Variants in DYNC1I2 observed in about 807,000 individuals in gnomAD.
DYNC1I2 encodes dynein cytoplasmic 1 intermediate chain 2.
DYNC1I2 carries 53 observed loss-of-function variants against 88.6 expected under a neutral mutation model. The observed-to-expected ratio is 0.60, with a 90% CI of 0.48 to 0.75. The LOEUF is 0.75. DYNC1I2 is among the 30% of genes least tolerant of loss of function. The pLI, the probability that DYNC1I2 is intolerant of heterozygous loss-of-function variation, is 0.00. For missense variants in DYNC1I2, 458 were observed against 766.6 expected (o/e 0.60, Z 4.75); for synonymous variants, 198 against 254.6 (o/e 0.78, Z 2.12).
intron 5 of DYNC1I2, among the ~76,000 whole-genome samples, chr2:171,711,165 AG>A (rs1687100412): frequency 1.3e-5 from 2 of 151,852 alleles, no homozygotes; most frequent in Non-Finnish European, 2.9e-5. Context: ...GATGGTTTCC[AG>A]CTACTTTTTG....
Position 171,712,818 on chromosome 2 carries a change from C to G in DYNC1I2, c.387C>G (p.Ser129=). Residue 129 remains serine (S), a synonymous_variant, in exon 6 of 18, where the codon TCC becomes TCG. Transcript: ENST00000397119. ...CAGTTCTTCAGCTTCACTCAGATTC[C>G]GATTTGGGGTATTGAATAGATTTTT... The part of the protein sequence containing the change: ...DPSVLQLHSD[S]DLGRGPIKLG... 1.2e-6 allele frequency: 2 copies of G among 1,612,944 alleles called. No homozygotes were observed. The highest frequency in any genetic ancestry group is 1.7e-6 in the Non-Finnish European group (2 of 1,179,210).
At chr2:171,701,327 G>A (rs886855898) in intron 3 of DYNC1I2, among the ~76,000 whole-genome samples, 1 of 152,074 alleles carries the variant, frequency 6.6e-6, no homozygotes, top group Non-Finnish European at 1.5e-5. Flanking sequence ...CTGCCAACAA[G>A]CCCAGCTAAT....
intron 3 of DYNC1I2, among the ~76,000 whole-genome samples, chr2:171,705,266 T>A (rs1686591633): frequency 6.6e-6 from 1 of 152,132 alleles, no homozygotes; most frequent in African/African-American, 2.4e-5. Context: ...TTTAAAAATG[T>A]AGTCTTTAAC....
At chr2:171,700,554 A>G (rs1271018428) in intron 3 of DYNC1I2, among the ~76,000 whole-genome samples, 1 of 152,224 alleles carries the variant, frequency 6.6e-6, no homozygotes, top group Non-Finnish European at 1.5e-5. Context: ...TCACTAAACC[A>G]AACTACTGTA....
intron 17 of DYNC1I2, 32 bp from the exon 18 acceptor site, chr2:171,747,744 T>A: frequency 1.4e-6 from 2 of 1,415,746 alleles, no homozygotes; most frequent in Non-Finnish European, 2.0e-6. Flanking sequence ...TTTTATTTCA[T>A]TGTATATAAA....
chr2:171,714,907 C>T (rs575387767), intron 6 of DYNC1I2, among the ~76,000 whole-genome samples: 4 of 152,170 alleles, frequency 2.6e-5, no homozygotes, highest in African/African-American at 9.6e-5. Flanking sequence ...CTGAATTCTC[C>T]TAGTGGCACA....
intron 14 of DYNC1I2, 119 bp downstream of exon 14, chr2:171,728,969 T>C: frequency 8.7e-7 from 1 of 1,147,432 alleles, no homozygotes; most frequent in Non-Finnish European, 1.2e-6. Flanking sequence ...GACAGATTTT[T>C]TGTGTTCAGG....
intron 8 of DYNC1I2, 63 bp downstream of exon 8, chr2:171,725,776 G>A (rs200517872): frequency 1.3e-5 from 12 of 895,790 alleles, no homozygotes; most frequent in Non-Finnish European, 1.8e-5. Context: ...CTTTTATTAT[G>A]TATTAAAGTA....
intron 11 of DYNC1I2, among the ~76,000 whole-genome samples, chr2:171,727,395 T>C (rs533343664): frequency 6.6e-6 from 1 of 152,290 alleles, no homozygotes; most frequent in Admixed American, 6.5e-5. Flanking sequence ...GGTTAGAATT[T>C]GCAAGCCTTT....
chr2:171,725,809 TAA>T (rs1487685825), intron 8 of DYNC1I2, 96 bp downstream of exon 8: 5 of 1,284,630 alleles, frequency 3.9e-6, no homozygotes, highest in African/African-American at 1.5e-5. Context: ...GTAAATCAAA[TAA>T]GTGAATCTGA....
At chr2:171,713,978 TTTTTC>T (rs1687310091) in intron 6 of DYNC1I2, among the ~76,000 whole-genome samples, 1 of 152,174 alleles carries the variant, frequency 6.6e-6, no homozygotes, top group African/African-American at 2.4e-5. Context: ...GTATTATGGT[TTTTTC>T]TGTTAGACTC....
chr2:171,729,694 C>G lies in DYNC1I2; in HGVS notation c.1392-15C>G, dbSNP rs770213612. On this transcript the variant is annotated splice_polypyrimidine_tract_variant and intron_variant, in intron 14 of 17. Transcript: ENST00000397119. The stretch of plus-strand genomic sequence containing the variant: ...ATAGGAGACTTCTCTAACATTTTCA[C>G]TTTTATGAAATTAGCAAAGCTGGAA... The G allele has an allele frequency of 6.2e-7, 1 of 1,611,720 alleles. No homozygotes were observed. Among genetic ancestry groups the G allele is most frequent in the East Asian group, 2.2e-5 (1 of 44,864 alleles).
chr2:171,740,919 T>C (rs1689377368), intron 15 of DYNC1I2, among the ~76,000 whole-genome samples: 1 of 152,152 alleles, frequency 6.6e-6, no homozygotes, highest in East Asian at 1.9e-4. Flanking sequence ...TTTCAAATTT[T>C]AGAAAGAAAA....
chr2:171,695,139 G>A (rs952574609), intron 3 of DYNC1I2, among the ~76,000 whole-genome samples: 2 of 150,796 alleles, frequency 1.3e-5, no homozygotes, highest in Admixed American at 6.6e-5. Flanking sequence ...TTGCCCTGTC[G>A]CCCAGGCTGT....
At chr2:171,728,515 A>G in intron 13 of DYNC1I2, 97 bp downstream of exon 13, 2 of 845,262 alleles carry the variant, frequency 2.4e-6, no homozygotes, top group Non-Finnish European at 3.6e-6. Flanking sequence ...GTTTTATAGT[A>G]GTGTTACAAC....
intron 15 of DYNC1I2, 103 bp downstream of exon 15, chr2:171,729,956 TG>T: frequency 1.5e-6 from 2 of 1,344,654 alleles, no homozygotes; most frequent in Non-Finnish European, 2.1e-6. Context: ...CATAATTGTT[TG>T]CTAATAGATG....
intron 2 of DYNC1I2, among the ~76,000 whole-genome samples, chr2:171,691,002 A>G (rs1205908454): frequency 1.3e-5 from 2 of 152,178 alleles, no homozygotes; most frequent in African/African-American, 2.4e-5. Context: ...TATATATATC[A>G]TAACTTAGTT....
At chr2:171,743,471 C>T (rs1689583509) in intron 15 of DYNC1I2, among the ~76,000 whole-genome samples, 1 of 152,206 alleles carries the variant, frequency 6.6e-6, no homozygotes, top group South Asian at 2.1e-4. Context: ...CAGATTAGCC[C>T]ACCACACTGT....
At chr2:171,708,065 T>A (rs2674483) in intron 5 of DYNC1I2, among the ~76,000 whole-genome samples, 116,955 of 148,406 alleles carry the variant, frequency 0.79, 46,858 homozygotes, top group Middle Eastern at 0.89. Flanking sequence ...TCTTTGTCTC[T>A]CTCACACACA....
Sources: gnomAD v4.1 joint callset for allele counts (sites outside exome capture counted in the v4.1 genomes callset) on GRCh38, gnomAD v4.1.1 for gene constraint, MANE v1.5 for transcripts, NCBI Gene and HGNC (gene_info 2026-07-23, HGNC 2026-07-21) for gene names.